Variants in HNF1B observed in about 807,000 individuals in gnomAD.
The protein encoded by HNF1B is HNF1 homeobox B.
In HNF1B, 8 loss-of-function variants were observed where a neutral mutation model predicts 61.7. The ratio of observed to expected loss-of-function variants is 0.13; its 90% CI spans 0.08 to 0.23. The LOEUF is 0.23. Ranked by LOEUF, HNF1B falls within the 10% of genes least tolerant of loss-of-function variation. The probability of loss-of-function intolerance (pLI) is 1.00; values close to 1 mark genes in which losing one functional copy is unlikely to be tolerated. For synonymous variants in HNF1B, 314 were observed against 287.7 expected, an observed-to-expected ratio of 1.09 and a Z score of -0.93; for missense variants, 562 against 714.5, an observed-to-expected ratio of 0.79 and a Z score of 2.43.
At chr17:37,743,545 G>A (rs527612401) in intron 1 of HNF1B, among the ~76,000 whole-genome samples, 12 of 152,350 alleles carry the variant, frequency 7.9e-5, no homozygotes, top group Non-Finnish European at 1.6e-4. Context: ...CGCTGCGGAC[G>A]TGCGGCCAAG....
intron 6 of HNF1B, among the ~76,000 whole-genome samples, chr17:37,703,302 A>G (rs563658977): frequency 1.3e-5 from 2 of 152,346 alleles, no homozygotes; most frequent in African/African-American, 4.8e-5. Flanking sequence ...GCCCATCTGA[A>G]TAGGAGATTA....
Position 37,715,370 on chromosome 17 carries a change from G to A in HNF1B, c.1046-4707C>T, listed in dbSNP as rs1456131028. Among the ~76,000 whole-genome samples, 4 of 152,296 alleles carry A rather than the reference G, an allele frequency of 2.6e-5. No individual in the cohort carries two copies. The East Asian group carries it at 5.8e-4, about 22-fold the overall frequency. ...CCATGCCCCAGACAAGGAGCATCAC[G>A]TCTAGCAGAAGTAGAAAATACAGTC... On this transcript the variant is annotated intron_variant, in intron 4 of 8. Coordinates refer to ENST00000617811, the MANE Select transcript of HNF1B (RefSeq NM_000458.4).
At position 37,697,927 on chromosome 17, in the gene HNF1B, C is replaced by G. The variant is rs1033727764; in HGVS notation, c.1653+1149G>C. On this transcript the variant is annotated intron_variant, in intron 8 of 8. Transcript: ENST00000617811. The stretch of plus-strand genomic sequence containing the variant: ...CTCAGAAAAAGCAGATGTTACAACT[C>G]TCACTTTAAAGATGAAGAAATGAAG... Among the ~76,000 whole-genome samples the G allele has an allele frequency of 3.9e-5, 6 of 152,226 alleles. No individual in the cohort carries two copies. The East Asian group carries it at 9.7e-4, about 24-fold the overall frequency.
chr17:37,729,778 C>T (rs765844673), intron 4 of HNF1B: 1 of 152,304 alleles, frequency 6.6e-6, no homozygotes, highest in Non-Finnish European at 1.5e-5. Flanking sequence ...TACCATTGCT[C>T]TGTGTCACTT....
chr17:37,741,519 T>C (rs1488603992), intron 1 of HNF1B, among the ~76,000 whole-genome samples: 1 of 152,220 alleles, frequency 6.6e-6, no homozygotes, highest in Admixed American at 6.5e-5. Context: ...AGGAAAATAA[T>C]GTAATAAACG....
Position 37,731,398 on chromosome 17 carries a change from T to C in HNF1B, c.1045+197A>G, listed in dbSNP as rs866371186. The stretch of plus-strand genomic sequence containing the variant: ...AGCCGAGTGAGCCCTCACAGGGCAA[T>C]GGCTGAACCAGGAGTTGGAGGAAAC... On this transcript the variant is annotated intron_variant, in intron 4 of 8. Coordinates refer to ENST00000617811, the MANE Select transcript of HNF1B (RefSeq NM_000458.4). 3 of 689,052 alleles carry C rather than the reference T, an allele frequency of 4.4e-6. No individual in the cohort carries two copies. The African/African-American group carries it at 5.3e-5, about 12-fold the overall frequency. 42.7% of individuals were successfully genotyped at this position (689,052 alleles called of 1,614,324 possible).
chr17:37,686,998 C>T lies in HNF1B; in HGVS notation c.*374G>A, dbSNP rs1242886859. On this transcript the variant is annotated 3_prime_UTR_variant, in exon 9 of 9. Coordinates refer to ENST00000617811, the MANE Select transcript of HNF1B (RefSeq NM_000458.4). ...TTTGGCTCAGTTCAATAGCACATGT[C>T]CTTCTCTCCTCATTTCAGTAACAGA... The T allele has an allele frequency of 1.9e-5, 9 of 484,410 alleles. No individual in the cohort carries two copies. In the South Asian group the frequency reaches 1.9e-4, roughly 10 times the overall value. The allele number at this position is 484,410 out of a possible 1,614,324, so 30.0% of individuals were successfully genotyped here.
chr17:37,731,250 G>T (rs1241748384), intron 4 of HNF1B: 5 of 449,596 alleles, frequency 1.1e-5, no homozygotes, highest in African/African-American at 2.0e-5. Flanking sequence ...CGACCCGTTT[G>T]CCTGCGGTTT....
chr17:37,744,056 C>A (rs781656614), intron 1 of HNF1B, among the ~76,000 whole-genome samples: 3 of 152,286 alleles, frequency 2.0e-5, no homozygotes, highest in Non-Finnish European at 4.4e-5. Context: ...GCCTGTCCTT[C>A]GGCAAAGAAC....
intron 8 of HNF1B, among the ~76,000 whole-genome samples, chr17:37,689,408 G>A (rs995885964): frequency 5.3e-5 from 8 of 152,202 alleles, no homozygotes; most frequent in Admixed American, 3.9e-4. Context: ...CAAACAAGAA[G>A]GGCAGATAAG....
intron 6 of HNF1B, 129 bp downstream of exon 6, chr17:37,704,788 G>A (rs535682935): frequency 9.6e-7 from 1 of 1,040,368 alleles, no homozygotes; most frequent in East Asian, 2.4e-5. Context: ...AGAAACTAAA[G>A]AAGTTAAACC....
At chr17:37,703,738 T>C (rs1482299169) in intron 6 of HNF1B, among the ~76,000 whole-genome samples, 5 of 152,142 alleles carry the variant, frequency 3.3e-5, no homozygotes, top group Admixed American at 3.3e-4. Flanking sequence ...ATGCACTGTG[T>C]GTCAATTTCC....
At position 37,744,918 on chromosome 17, in the gene HNF1B, G is replaced by T; in HGVS notation, c.-34C>A. ...GACGGAAAAAGAAGGGGGTGAGGGG[G>T]TGGGTGGGTGCGAGAGAGGAGGGTG... On this transcript the variant is annotated 5_prime_UTR_variant, in exon 1 of 9. Coordinates refer to ENST00000617811, the MANE Select transcript of HNF1B (RefSeq NM_000458.4). 7.6e-7 allele frequency: 1 copy of T among 1,317,034 alleles called. No homozygotes were observed. The highest frequency in any genetic ancestry group is 1.7e-5 in the Admixed American group (1 of 57,518). 81.6% of individuals were successfully genotyped at this position (1,317,034 alleles called of 1,614,324 possible).
chr17:37,740,417 A>G (rs1363418552), intron 1 of HNF1B, among the ~76,000 whole-genome samples: 1 of 152,164 alleles, frequency 6.6e-6, no homozygotes, highest in Non-Finnish European at 1.5e-5. Flanking sequence ...AATTTGCCCA[A>G]TTTTAGCTTC....
chr17:37,743,099 T>C (rs1468629148), intron 1 of HNF1B, among the ~76,000 whole-genome samples: 1 of 152,170 alleles, frequency 6.6e-6, no homozygotes, highest in Non-Finnish European at 1.5e-5. Flanking sequence ...CGGGGCTGGG[T>C]GCGGAGGGGC....
intron 7 of HNF1B, 113 bp downstream of exon 7, chr17:37,700,870 G>A (rs2032542749): frequency 1.0e-6 from 1 of 962,490 alleles, no homozygotes; most frequent in Admixed American, 2.0e-5. Context: ...ATCATAGGCA[G>A]GGAAAAGTGA....
intron 3 of HNF1B, among the ~76,000 whole-genome samples, chr17:37,732,070 C>T (rs1379032612): frequency 6.6e-6 from 1 of 152,118 alleles, no homozygotes; most frequent in Admixed American, 6.5e-5. Context: ...CCCTGGGAGT[C>T]AGGGGCTTAG....
In HNF1B at chr17:37,701,075, G is replaced by A. The variant is rs1471879582; in HGVS notation, c.1442C>T (p.Pro481Leu). The A allele has an allele frequency of 6.4e-7, 1 of 1,554,190 alleles. No individual in the cohort carries two copies. Among genetic ancestry groups the A allele is most frequent in the Non-Finnish European group, 8.7e-7 (1 of 1,148,582 alleles). Residue 481 changes from proline to leucine, a missense_variant, in exon 7 of 9, where the codon CCT (proline) becomes CTT (leucine). Pro to Leu is a moderately conservative substitution (Grantham distance 98). Transcript: ENST00000617811. ...CTGCTGCATGAGGGGCTGCTGGTGA[G>A]GGCTGTGCAGCTGCTGGGAGAACTG... ...PVQFSQQLHS[P>L]HQQPLMQQSP...
chr17:37,690,775 ACGTT>A (rs2032173828), intron 8 of HNF1B, among the ~76,000 whole-genome samples: 2 of 152,242 alleles, frequency 1.3e-5, no homozygotes, highest in East Asian at 3.8e-4. Context: ...TATTTTAGGC[ACGTT>A]GAATTCAAGA....
Sources: allele counts gnomAD v4.1 joint callset (sites outside exome capture counted in the v4.1 genomes callset), GRCh38; gene constraint gnomAD v4.1.1; transcripts MANE v1.5; gene names NCBI Gene and HGNC (gene_info 2026-07-23, HGNC 2026-07-21).